ATRNL1: variants seen among roughly 807,000 people sequenced by gnomAD.
The protein encoded by ATRNL1 is attractin like 1, also known as attractin-like protein 1.
A neutral mutation model predicts 182.7 loss-of-function variants in ATRNL1; 95 were observed. The observed-to-expected ratio is 0.52, with a 90% CI of 0.44 to 0.62. The LOEUF is 0.62. ATRNL1 is among the 20% of genes least tolerant of loss of function. ATRNL1 has a pLI of 0.00. For synonymous variants in ATRNL1, 576 were observed against 568.3 expected (o/e 1.01, Z -0.19); for missense variants, 1,471 against 1,679.5 (o/e 0.88, Z 2.17).
intron 25 of ATRNL1, among the ~76,000 whole-genome samples, chr10:115,538,926 C>A (rs569369143): frequency 1.4e-4 from 22 of 152,212 alleles, no homozygotes; most frequent in African/African-American, 5.3e-4. Context: ...TACACAAAAA[C>A]CATTGTGTTA....
At chr10:115,720,328 T>C (rs1555057446) in intron 26 of ATRNL1, among the ~76,000 whole-genome samples, 1 of 152,202 alleles carries the variant, frequency 6.6e-6, no homozygotes, top group Non-Finnish European at 1.5e-5. Context: ...ATAGCATGGA[T>C]ATGTAAAGAT....
intron 6 of ATRNL1, among the ~76,000 whole-genome samples, chr10:115,162,868 A>G (rs1846859576): frequency 1.3e-5 from 2 of 151,892 alleles, no homozygotes; most frequent in South Asian, 4.2e-4. Flanking sequence ...GGAGTAATTA[A>G]TAATGTCAAA....
At chr10:115,308,461 G>C (rs1335696283) in intron 17 of ATRNL1, among the ~76,000 whole-genome samples, 1 of 152,000 alleles carries the variant, frequency 6.6e-6, no homozygotes, top group Non-Finnish European at 1.5e-5. Flanking sequence ...ATTTTTTTCA[G>C]TATTTGTAAG....
chr10:115,124,502 C>T (rs923107349), intron 3 of ATRNL1, among the ~76,000 whole-genome samples: 7 of 152,046 alleles, frequency 4.6e-5, no homozygotes, highest in African/African-American at 1.7e-4. Context: ...TTCAGGTGTC[C>T]AGAGTTTTAT....
At chr10:115,837,662 T>C (rs1950710176) in intron 27 of ATRNL1, among the ~76,000 whole-genome samples, 2 of 152,310 alleles carry the variant, frequency 1.3e-5, no homozygotes, top group South Asian at 4.1e-4. Context: ...AACACTAGCA[T>C]TGATCAATTA....
chr10:115,120,131 T>C (rs1844662749), intron 1 of ATRNL1, 54 bp from the exon 2 acceptor site: 1 of 1,063,602 alleles, frequency 9.4e-7, no homozygotes, highest in African/African-American at 1.6e-5. Flanking sequence ...TCCTGCTATA[T>C]GTCTTAAAGT....
chr10:115,694,741 G>C (rs557608408), intron 26 of ATRNL1, among the ~76,000 whole-genome samples: 2 of 151,930 alleles, frequency 1.3e-5, no homozygotes, highest in Non-Finnish European at 2.9e-5. Flanking sequence ...GCTTCATTTG[G>C]GAAAGCATTT....
intron 9 of ATRNL1, among the ~76,000 whole-genome samples, chr10:115,237,827 G>A (rs528272585): frequency 2.8e-4 from 43 of 151,958 alleles, no homozygotes; most frequent in Admixed American, 9.8e-4. Context: ...TTTCTCCTGC[G>A]TTATCTTCTG....
At position 115,249,591 on chromosome 10, in the gene ATRNL1, T is replaced by C. The variant is rs1450152340; in HGVS notation, c.1687+7866T>C. 4.6e-5 allele frequency among the ~76,000 whole-genome samples: 7 copies of C among 152,324 alleles called. No individual in the cohort carries two copies. The East Asian group carries it at 1.4e-3, about 29-fold the overall frequency. On this transcript the variant is annotated intron_variant, in intron 10 of 28. Transcript: ENST00000355044. ...GAACAGTAACTCTAATTTTTTGATCTTATGTGTATTGAGTATATGGTTCAT... is the reference window on the plus strand; with the variant it reads ...GAACAGTAACTCTAATTTTTTGATCCTATGTGTATTGAGTATATGGTTCAT...
chr10:115,391,910 G>C (rs1375303395), intron 19 of ATRNL1, among the ~76,000 whole-genome samples: 4 of 151,812 alleles, frequency 2.6e-5, no homozygotes, highest in African/African-American at 7.3e-5. Flanking sequence ...TTAGGAATTT[G>C]TTGCAGTTAT....
chr10:115,515,155 C>A (rs190056300), intron 24 of ATRNL1, among the ~76,000 whole-genome samples: 19 of 151,904 alleles, frequency 1.3e-4, no homozygotes, highest in Admixed American at 8.5e-4. Flanking sequence ...CCAGTTAATA[C>A]CTTTTTGAAA....
At chr10:115,481,933 A>C (rs12257381) in intron 24 of ATRNL1, among the ~76,000 whole-genome samples, 7,054 of 151,010 alleles carry the variant, frequency 0.047, 586 homozygotes, top group African/African-American at 0.16. Flanking sequence ...AAAATGACTT[A>C]ATTTTTGGCA....
At chr10:115,663,063 T>G (rs1486490230) in intron 26 of ATRNL1, among the ~76,000 whole-genome samples, 1 of 152,150 alleles carries the variant, frequency 6.6e-6, no homozygotes, top group Non-Finnish European at 1.5e-5. Flanking sequence ...AAATTAAAAT[T>G]TAGTGTAATT....
intron 25 of ATRNL1, among the ~76,000 whole-genome samples, chr10:115,540,909 G>T (rs1554991815): frequency 6.6e-6 from 1 of 152,044 alleles, no homozygotes; most frequent in Non-Finnish European, 1.5e-5. Flanking sequence ...TATGGGAAAG[G>T]TGACATTTGA....
intron 26 of ATRNL1, among the ~76,000 whole-genome samples, chr10:115,643,022 A>G (rs1284923467): frequency 6.6e-6 from 1 of 152,152 alleles, no homozygotes. Flanking sequence ...AACATTTGCA[A>G]TGCAAAGTAT....
chr10:115,598,350 A>AATTTATTTATTTATTTATTTAT (rs1856390470), intron 26 of ATRNL1, among the ~76,000 whole-genome samples: 19 of 145,788 alleles, frequency 1.3e-4, no homozygotes, highest in African/African-American at 4.4e-4. Context: ...ATTTAAAAAA[A>AATTTATTTATTTATTTATTTAT]TTATTTATTT....
intron 27 of ATRNL1, among the ~76,000 whole-genome samples, chr10:115,795,447 A>G (rs138747259): frequency 1.3e-5 from 2 of 152,284 alleles, no homozygotes; most frequent in African/African-American, 4.8e-5. Flanking sequence ...TCCTGGTCTC[A>G]GCTTTCCTCC....
intron 6 of ATRNL1, among the ~76,000 whole-genome samples, chr10:115,164,379 T>G (rs1846941186): frequency 6.6e-6 from 1 of 152,128 alleles, no homozygotes; most frequent in Non-Finnish European, 1.5e-5. Context: ...AAGATAAGTG[T>G]GTGGGTATGT....
intron 28 of ATRNL1, among the ~76,000 whole-genome samples, chr10:115,885,492 G>A (rs1025966346): frequency 2.0e-5 from 3 of 152,162 alleles, no homozygotes; most frequent in East Asian, 3.9e-4. Context: ...GTAGTTTTTT[G>A]TCAGATGCTT....
Sources: gnomAD v4.1 joint callset for allele counts (sites outside exome capture counted in the v4.1 genomes callset) on GRCh38, gnomAD v4.1.1 for gene constraint, MANE v1.5 for transcripts, NCBI Gene and HGNC (gene_info 2026-07-23, HGNC 2026-07-21) for gene names.